Variants in KAT6A observed in about 807,000 individuals in gnomAD.
KAT6A encodes histone acetyltransferase KAT6A.
Under a neutral mutation model 198.4 loss-of-function variants are expected in KAT6A, and 9 were observed. The ratio of observed to expected loss-of-function variants is 0.05; its 90% CI spans 0.03 to 0.08. The LOEUF (loss-of-function observed/expected upper bound fraction) is 0.08. Among genes scored for constraint, KAT6A ranks in the 10% least tolerant of loss-of-function variants. The pLI is 1.00. For synonymous variants in KAT6A, 890 were observed against 883.0 expected (o/e 1.01, Z -0.14); for missense variants, 2,077 against 2,509.9 (o/e 0.83, Z 3.69).
In KAT6A at chr8:41,941,169, C is replaced by T; in HGVS notation, c.2712G>A (p.Glu904=). The T allele has an allele frequency of 6.2e-7, 1 of 1,614,176 alleles. No individual in the cohort carries two copies. Among genetic ancestry groups the T allele is most frequent in the Non-Finnish European group, 8.5e-7 (1 of 1,180,038 alleles). The change falls in exon 15 of 17, where the codon GAG becomes GAA. Residue 904 remains glutamate, a synonymous_variant. Transcript: ENST00000265713. ...ATTGTTCCTGGGTGGCTTCTGATTT[C>T]TCCCCACATTCTCCATATTGTTCCT... ...APQEQYGECG[E]KSEATQEQYT...
intron 2 of KAT6A, among the ~76,000 whole-genome samples, chr8:42,033,505 T>C (rs1428617851): frequency 2.6e-5 from 4 of 152,360 alleles, no homozygotes; most frequent in Middle Eastern, 3.4e-3. Context: ...AGTTACTATG[T>C]GCATACAATG....
intron 12 of KAT6A, among the ~76,000 whole-genome samples, chr8:41,946,172 T>A (rs1466257256): frequency 1.3e-5 from 2 of 152,124 alleles, no homozygotes. Context: ...GTAGCATTGC[T>A]CACTGCAGCT....
intron 14 of KAT6A, 87 bp from the exon 15 acceptor site, chr8:41,941,531 G>A: frequency 7.4e-7 from 1 of 1,348,818 alleles, no homozygotes; most frequent in Non-Finnish European, 1.0e-6. Flanking sequence ...AGTATTGAGA[G>A]AAGAAAAGGA....
chr8:41,949,158 A>G, intron 10 of KAT6A, 64 bp downstream of exon 10: 5 of 1,083,586 alleles, frequency 4.6e-6, no homozygotes, highest in Non-Finnish European at 6.4e-6. Flanking sequence ...TGCACAATAG[A>G]TGCAATATAG....
At chr8:41,973,079 ATGCTGAGTAAATGCG>A (rs1413278689) in intron 8 of KAT6A, among the ~76,000 whole-genome samples, 1 of 152,288 alleles carries the variant, frequency 6.6e-6, no homozygotes, top group Non-Finnish European at 1.5e-5. Context: ...ATACAGCAGA[ATGCTGAGTAAATGCG>A]TGCTGAGTAT....
intron 10 of KAT6A, among the ~76,000 whole-genome samples, chr8:41,948,221 T>C (rs1822492371): frequency 6.6e-6 from 1 of 152,236 alleles, no homozygotes; most frequent in Non-Finnish European, 1.5e-5. Flanking sequence ...AGCAATCCTT[T>C]AGATAGCAAG....
intron 2 of KAT6A, among the ~76,000 whole-genome samples, chr8:42,006,744 C>G (rs1281485516): frequency 1.3e-5 from 2 of 152,064 alleles, no homozygotes; most frequent in Non-Finnish European, 1.5e-5. Context: ...GCCTGTAATC[C>G]CAGCACTTTA....
intron 8 of KAT6A, chr8:41,957,300 C>T (rs754567144): frequency 5.3e-6 from 3 of 562,784 alleles, no homozygotes; most frequent in Non-Finnish European, 1.1e-5. Flanking sequence ...CCCAGCTCCC[C>T]TGAGCAAGCC....
chr8:42,045,655 T>C (rs1450757993), intron 2 of KAT6A, among the ~76,000 whole-genome samples: 2 of 151,998 alleles, frequency 1.3e-5, no homozygotes, highest in African/African-American at 4.8e-5. Flanking sequence ...TAAATCACTT[T>C]TGTTTTTCTT....
In KAT6A at chr8:41,933,962, G is replaced by T. The variant is rs751951231; in HGVS notation, c.4258C>A (p.Leu1420Met). ...KEEEEIPHSE[L>M]DLETVQAVQS... ...ACTGCCTGTACAGTTTCCAGATCCA[G>T]CTCACTATGAGGAATCTCTTCCTCC... The change falls in exon 17 of 17, where the codon CTG becomes ATG. Residue 1420 changes from leucine to methionine, a missense_variant. Coordinates refer to ENST00000265713, the MANE Select transcript of KAT6A (RefSeq NM_006766.5). The surrounding 1 kb of genome is among the most constrained non-coding windows in gnomAD (Gnocchi z 6.2). The T allele has an allele frequency of 2.5e-6, 4 of 1,613,980 alleles. No individual in the cohort carries two copies. Among genetic ancestry groups the T allele is most frequent in the Non-Finnish European group, 3.4e-6 (4 of 1,180,020 alleles).
chr8:41,978,214 T>A (rs930528214), intron 6 of KAT6A, among the ~76,000 whole-genome samples: 2 of 152,176 alleles, frequency 1.3e-5, no homozygotes, highest in African/African-American at 4.8e-5. Flanking sequence ...TAATAGATAT[T>A]AACAACTGAG....
At chr8:41,999,008 T>C (rs1260753277) in intron 2 of KAT6A, among the ~76,000 whole-genome samples, 2 of 152,188 alleles carry the variant, frequency 1.3e-5, no homozygotes, top group African/African-American at 4.8e-5. Flanking sequence ...GATGAGTTCA[T>C]TCAATGACTT....
At chr8:42,019,224 T>C (rs1826413524) in intron 2 of KAT6A, among the ~76,000 whole-genome samples, 1 of 152,214 alleles carries the variant, frequency 6.6e-6, no homozygotes, top group South Asian at 2.1e-4. Flanking sequence ...AGGCCTTACA[T>C]TGGTTTGCAT....
At chr8:41,966,422 T>A (rs900861906) in intron 8 of KAT6A, among the ~76,000 whole-genome samples, 1 of 152,094 alleles carries the variant, frequency 6.6e-6, no homozygotes, top group Non-Finnish European at 1.5e-5. Flanking sequence ...ATACAGTACA[T>A]ACAGGGTTCA....
chr8:41,957,215 TG>T, intron 8 of KAT6A: 1 of 580,722 alleles, frequency 1.7e-6, no homozygotes, highest in Non-Finnish European at 3.5e-6. Context: ...GGTTCCCCTC[TG>T]CCCACACCCG....
At chr8:42,015,154 C>T (rs1826212391) in intron 2 of KAT6A, among the ~76,000 whole-genome samples, 3 of 152,308 alleles carry the variant, frequency 2.0e-5, no homozygotes, top group South Asian at 4.1e-4. Context: ...TCCACAAAAA[C>T]TTCTCAAAGC....
intron 2 of KAT6A, among the ~76,000 whole-genome samples, chr8:41,993,444 G>A (rs1587797413): frequency 6.6e-6 from 1 of 152,284 alleles, no homozygotes; most frequent in East Asian, 1.9e-4. Flanking sequence ...ACAGAGTCAA[G>A]CTGTATAAAA....
At chr8:41,999,173 A>G (rs529768277) in intron 2 of KAT6A, among the ~76,000 whole-genome samples, 2 of 152,274 alleles carry the variant, frequency 1.3e-5, no homozygotes, top group South Asian at 4.1e-4. Context: ...ACAATCTTCT[A>G]TTTCTTAATC....
intron 10 of KAT6A, 57 bp from the exon 11 acceptor site, chr8:41,947,969 A>G: frequency 2.2e-6 from 3 of 1,360,726 alleles, no homozygotes; most frequent in Non-Finnish European, 3.0e-6. Context: ...TTCTAGAATA[A>G]TATGTATCAG....
Sources: allele counts gnomAD v4.1 joint callset (sites outside exome capture counted in the v4.1 genomes callset), GRCh38; gene constraint gnomAD v4.1.1; non-coding constraint Gnocchi (gnomAD v3.1); transcripts MANE v1.5; gene names NCBI Gene and HGNC (gene_info 2026-07-23, HGNC 2026-07-21).